NOP58: variants seen among roughly 807,000 people sequenced by gnomAD.
The protein encoded by NOP58 is nucleolar protein 58.
In NOP58, 44 loss-of-function variants were observed where a neutral mutation model predicts 71.2. That is an observed-to-expected ratio of 0.62 (90% confidence interval 0.49 to 0.79). The LOEUF is 0.79. Among genes scored for constraint, NOP58 ranks in the 30% least tolerant of loss-of-function variants. The probability of loss-of-function intolerance (pLI) is 0.00; values close to 1 mark genes in which losing one functional copy is unlikely to be tolerated. For synonymous variants in NOP58, 228 were observed against 200.3 expected, an observed-to-expected ratio of 1.14 and a Z score of -1.17; for missense variants, 538 against 620.2, an observed-to-expected ratio of 0.87 and a Z score of 1.41.
intron 10 of NOP58, among the ~76,000 whole-genome samples, chr2:202,296,797 C>T (rs1396625745): frequency 6.6e-6 from 1 of 151,916 alleles, no homozygotes; most frequent in African/African-American, 2.4e-5. Flanking sequence ...GCAGTGGTGC[C>T]ATCCCGGCTC....
intron 3 of NOP58, chr2:202,278,410 A>G (rs1023573523): frequency 2.7e-6 from 1 of 370,482 alleles, no homozygotes; most frequent in Non-Finnish European, 5.4e-6. Flanking sequence ...CAGGATTCAC[A>G]GTTGAAAAAT....
At chr2:202,278,246 A>C in intron 3 of NOP58, 1 of 597,470 alleles carries the variant, frequency 1.7e-6, no homozygotes, top group Non-Finnish European at 3.2e-6. Context: ...AGAGGTGAGA[A>C]GTGGTTAAGT....
At chr2:202,280,488 T>G (rs1010615684) in intron 3 of NOP58, among the ~76,000 whole-genome samples, 2 of 152,230 alleles carry the variant, frequency 1.3e-5, no homozygotes, top group South Asian at 4.1e-4. Context: ...GATACCACCA[T>G]GTCCAGCTAA....
At chr2:202,268,734 C>A (rs2105834767) in intron 1 of NOP58, among the ~76,000 whole-genome samples, 1 of 151,492 alleles carries the variant, frequency 6.6e-6, no homozygotes, top group Non-Finnish European at 1.5e-5. Context: ...GCCTCAGCCT[C>A]CCGAGTAGCT....
chr2:202,271,213 C>G (rs777009919), intron 1 of NOP58, among the ~76,000 whole-genome samples: 11 of 152,016 alleles, frequency 7.2e-5, no homozygotes, highest in Non-Finnish European at 1.0e-4. Context: ...TTTAACATCC[C>G]TAAAATTGGG....
At chr2:202,269,274 C>A (rs1425594344) in intron 1 of NOP58, among the ~76,000 whole-genome samples, 1 of 149,206 alleles carries the variant, frequency 6.7e-6, no homozygotes, top group African/African-American at 2.5e-5. Context: ...TGGGTTCAAA[C>A]GATTTTCCTG....
At chr2:202,294,647 A>T (rs1688960668) in intron 9 of NOP58, among the ~76,000 whole-genome samples, 1 of 152,174 alleles carries the variant, frequency 6.6e-6, no homozygotes. Flanking sequence ...TATCAACAAC[A>T]GTCATAATAT....
intron 2 of NOP58, among the ~76,000 whole-genome samples, chr2:202,276,190 T>G (rs1444298879): frequency 6.6e-6 from 1 of 151,510 alleles, no homozygotes; most frequent in Non-Finnish European, 1.5e-5. Flanking sequence ...AACACAAAAT[T>G]AGCCGGGCGT....
intron 10 of NOP58, 119 bp downstream of exon 10, chr2:202,295,956 G>A: frequency 1.4e-6 from 1 of 708,838 alleles, no homozygotes; most frequent in East Asian, 3.0e-5. Flanking sequence ...TGTTAAATAG[G>A]GAATGGTGAG....
chr2:202,288,538 C>A (rs893490227), intron 6 of NOP58, among the ~76,000 whole-genome samples: 2 of 151,110 alleles, frequency 1.3e-5, no homozygotes, highest in Admixed American at 1.3e-4. Flanking sequence ...TTTAGAAATG[C>A]ATTCGGCCGT....
chr2:202,274,400 A>ATTTTTTTTTT (rs1173477305), intron 1 of NOP58, among the ~76,000 whole-genome samples: 11 of 104,680 alleles, frequency 1.1e-4, no homozygotes, highest in African/African-American at 2.8e-4. Flanking sequence ...CTAATTTTGT[A>ATTTTTTTTTT]TTTTTTTTTT....
chr2:202,278,164 T>C (rs924118115), intron 3 of NOP58, 162 bp downstream of exon 3: 2 of 725,672 alleles, frequency 2.8e-6, no homozygotes, highest in Non-Finnish European at 5.2e-6. Flanking sequence ...ATCTGACTCA[T>C]TCGTCACTAC....
At chr2:202,288,815 CAAAAAAAAAAACA>C (rs1688835202) in intron 6 of NOP58, among the ~76,000 whole-genome samples, 1 of 138,956 alleles carries the variant, frequency 7.2e-6, no homozygotes, top group Non-Finnish European at 1.6e-5. Context: ...CACTCCGTCT[CAAAAAAAAAAACA>C]AAGTATTCGG....
chr2:202,288,605 G>A (rs2105848810), intron 6 of NOP58, among the ~76,000 whole-genome samples: 1 of 152,054 alleles, frequency 6.6e-6, no homozygotes, highest in South Asian at 2.1e-4. Flanking sequence ...ATCACCTGAG[G>A]TCAGGAGTTC....
At position 202,265,879 on chromosome 2, in the gene NOP58, G is replaced by T; in HGVS notation, c.-63G>T. 1 of 1,599,284 alleles carries T rather than the reference G, an allele frequency of 6.3e-7. No homozygotes were observed. The highest frequency in any genetic ancestry group is 1.7e-5 in the Admixed American group (1 of 59,402). ...GGAGGCCTTTTGAGGCCGCGTAGTC[G>T]GTGTTTTTGAACTGACTCTACAGCT... On this transcript the variant is annotated 5_prime_UTR_variant, in exon 1 of 15. Transcript: ENST00000264279.
At position 202,265,875 on chromosome 2, in the gene NOP58, A is replaced by C; in HGVS notation, c.-67A>C. 6.3e-7 allele frequency: 1 copy of C among 1,596,842 alleles called. No homozygotes were observed. The highest frequency in any genetic ancestry group is 8.6e-7 in the Non-Finnish European group (1 of 1,165,760). On this transcript the variant is annotated 5_prime_UTR_variant, in exon 1 of 15. Coordinates refer to ENST00000264279, the MANE Select transcript of NOP58 (RefSeq NM_015934.5). ...CCTAGGAGGCCTTTTGAGGCCGCGT[A>C]GTCGGTGTTTTTGAACTGACTCTAC... is the stretch of plus-strand genomic sequence containing the variant.
Position 202,290,450 on chromosome 2 carries a change from G to A in NOP58, c.627G>A (p.Gln209=), listed in dbSNP as rs947801696. 3 of 1,607,588 alleles carry A rather than the reference G, an allele frequency of 1.9e-6. No homozygotes were observed. In the Admixed American group the frequency reaches 5.1e-5, roughly 27 times the overall value. ...ATTTAACATACTGCAAGTGTTTACAGAAAGTTGGTGAGTAATTTGTTCATC... is the reference window on the plus strand; with the variant it reads ...ATTTAACATACTGCAAGTGTTTACAAAAAGTTGGTGAGTAATTTGTTCATC... The part of the protein sequence containing the change: ...SDNLTYCKCL[Q]KVGDRKNYAS... Residue 209 remains glutamine (Q), a synonymous_variant, in exon 7 of 15, where the codon CAG becomes CAA. Coordinates refer to ENST00000264279, the MANE Select transcript of NOP58 (RefSeq NM_015934.5).
chr2:202,297,832 G>A lies in NOP58; in HGVS notation c.1207-13G>A, dbSNP rs530923421. The A allele has an allele frequency of 3.2e-5, 47 of 1,474,514 alleles. No individual in the cohort carries two copies. The highest frequency in any genetic ancestry group is 1.8e-4 in the Middle Eastern group (1 of 5,702). 91.3% of individuals were successfully genotyped at this position (1,474,514 alleles called of 1,614,324 possible). On this transcript the variant is annotated splice_polypyrimidine_tract_variant and intron_variant, in intron 11 of 14. Coordinates refer to ENST00000264279, the MANE Select transcript of NOP58 (RefSeq NM_015934.5). Reference sequence around the variant, plus strand: ...CTTAGAAGTGTATTTGTAATTTTTCGTTTTCTTCTTAGATAAGAAAAATAA... The same window carrying A: ...CTTAGAAGTGTATTTGTAATTTTTCATTTTCTTCTTAGATAAGAAAAATAA...
At position 202,284,382 on chromosome 2, in the gene NOP58, T is replaced by C; in HGVS notation, c.335T>C (p.Val112Ala). Residue 112 changes from valine to alanine, a missense_variant, in exon 5 of 15, where the codon GTT becomes GCT. Transcript: ENST00000264279. ...LNLSCIHSPV[V>A]NELMRGIRSQ... ...CTCAGTTGTATCCATAGTCCTGTTG[T>C]TAATGAACTTATGAGAGGAATTCGT... 1 of 1,613,472 alleles carries C rather than the reference T, an allele frequency of 6.2e-7. No individual in the cohort carries two copies. The highest frequency in any genetic ancestry group is 8.5e-7 in the Non-Finnish European group (1 of 1,179,420).
Sources: gnomAD v4.1 joint callset for allele counts (sites outside exome capture counted in the v4.1 genomes callset) on GRCh38, gnomAD v4.1.1 for gene constraint, MANE v1.5 for transcripts, NCBI Gene and HGNC (gene_info 2026-07-23, HGNC 2026-07-21) for gene names.